The following ZNF43 variants were observed in gnomAD, a reference collection of about 807,000 sequenced individuals.
ZNF43 encodes zinc finger protein 39-like 1 (KOX 27).
ZNF43 carries 44 observed loss-of-function variants against 68.4 expected under a neutral mutation model. That is an observed-to-expected ratio of 0.64 (90% CI 0.51 to 0.83). The LOEUF (loss-of-function observed/expected upper bound fraction) is 0.83. Among genes scored for constraint, ZNF43 ranks in the 40% least tolerant of loss-of-function variants. ZNF43 has a pLI of 0.00. For synonymous variants in ZNF43, 308 were observed against 307.8 expected (o/e 1.00, Z -0.01); for missense variants, 896 against 933.2 (o/e 0.96, Z 0.52).
At chr19:21,836,630 G>T (rs2038754366), upstream of ZNF43, among the ~76,000 whole-genome samples, 1 of 152,160 alleles carries the variant, frequency 6.6e-6, no homozygotes, top group African/African-American at 2.4e-5. Context: ...TGTTACCCAG[G>T]CTGGAGTGCA....
chr19:21,840,181 C>T (rs1330140930), upstream of ZNF43: 1 of 152,182 alleles, frequency 6.6e-6, no homozygotes, highest in Non-Finnish European at 1.5e-5. Flanking sequence ...GGTGTGGGGT[C>T]CAGTGATATG....
intron 1 of ZNF43, among the ~76,000 whole-genome samples, chr19:21,842,273 G>T (rs538673584): frequency 6.6e-6 from 1 of 151,944 alleles, no homozygotes; most frequent in Non-Finnish European, 1.5e-5. Context: ...GCTAGGTATG[G>T]TGGTGCATGC....
intron 1 of ZNF43, chr19:21,827,151 T>C (rs1289461204): frequency 6.6e-6 from 1 of 152,164 alleles, no homozygotes; most frequent in South Asian, 2.1e-4. Flanking sequence ...ATGAGCATTA[T>C]GAAAAAAATA....
Position 21,806,950 on chromosome 19 carries a change from T to C in ZNF43, c.*657A>G, listed in dbSNP as rs930349632. The C allele has an allele frequency of 6.6e-6, 1 of 152,140 alleles. No individual in the cohort carries two copies. Among genetic ancestry groups the C allele is most frequent in the African/African-American group, 2.4e-5 (1 of 41,402 alleles). 9.4% of individuals were successfully genotyped at this position (152,140 alleles called of 1,614,324 possible). A position where few individuals can be genotyped will look rare whatever the true frequency, so the allele number is the denominator to read the frequency against. On this transcript the variant is annotated 3_prime_UTR_variant, in exon 4 of 4. Transcript: ENST00000354959. ...CCCTGTGGTGTTTTCTATGCTGTGGTTTTTTTAAAAATGTTTTTCCAAACT... is the reference window on the plus strand; with the variant it reads ...CCCTGTGGTGTTTTCTATGCTGTGGCTTTTTTAAAAATGTTTTTCCAAACT...
At chr19:21,830,555 G>GAAAA (rs562293163) in intron 1 of ZNF43, among the ~76,000 whole-genome samples, 164 of 101,962 alleles carry the variant, frequency 1.6e-3, no homozygotes, top group Non-Finnish European at 2.7e-3. Flanking sequence ...TCCAAAGACT[G>GAAAA]AAAAAAAAAA....
At chr19:21,847,494 C>T (rs960754349) in intron 1 of ZNF43, among the ~76,000 whole-genome samples, 5 of 152,010 alleles carry the variant, frequency 3.3e-5, no homozygotes, top group African/African-American at 7.2e-5. Flanking sequence ...GCCAGGAGTT[C>T]GAGACCAGCC....
chr19:21,811,535 T>TA (rs34404573), intron 3 of ZNF43, among the ~76,000 whole-genome samples: 8,079 of 112,580 alleles, frequency 0.072, 290 homozygotes, highest in South Asian at 0.19. Context: ...ACTCTGTCTC[T>TA]AAAAAAAAAA....
chr19:21,818,390 C>T (rs886514415), intron 2 of ZNF43, among the ~76,000 whole-genome samples: 6 of 151,880 alleles, frequency 4.0e-5, no homozygotes, highest in Non-Finnish European at 8.8e-5. Context: ...CATGAGCCAC[C>T]GTACCTGGCC....
At chr19:21,843,433 T>C in intron 1 of ZNF43, 1 of 960,892 alleles carries the variant, frequency 1.0e-6, no homozygotes, top group Non-Finnish European at 1.2e-6. Context: ...AGTCACCATC[T>C]CAATGTAGAT....
chr19:21,812,270 G>A (rs1363837300), intron 3 of ZNF43, among the ~76,000 whole-genome samples: 1 of 152,072 alleles, frequency 6.6e-6, no homozygotes, highest in Non-Finnish European at 1.5e-5. Flanking sequence ...GGGATTACAG[G>A]CGCGCACCAC....
At chr19:21,851,973 T>G (rs1227238745) in exon 1 of ZNF43, 2 of 1,536,728 alleles carry the variant, frequency 1.3e-6, no homozygotes, top group Admixed American at 2.0e-5. Flanking sequence ...GATCACAGGG[T>G]AACGGAGGCT....
intron 3 of ZNF43, among the ~76,000 whole-genome samples, chr19:21,811,551 A>G (rs11673111): frequency 1.3e-5 from 2 of 151,336 alleles, no homozygotes; most frequent in Non-Finnish European, 2.9e-5. Flanking sequence ...AAAAAACAAA[A>G]AAAAAAAACT....
At chr19:21,820,855 G>A (rs1449367033) in intron 1 of ZNF43, among the ~76,000 whole-genome samples, 1 of 134,780 alleles carries the variant, frequency 7.4e-6, no homozygotes, top group Admixed American at 7.5e-5. Context: ...TTTTTTTTGA[G>A]GTGAAGTTTC....
rs1382046214 is a variant in ZNF43, at chr19:21,809,579, T to C, written c.458A>G (p.Lys153Arg). 3 of 1,611,730 alleles carry C rather than the reference T, an allele frequency of 1.9e-6. No individual in the cohort carries two copies. Among genetic ancestry groups the C allele is most frequent in the Non-Finnish European group, 2.5e-6 (3 of 1,179,126 alleles). Residue 153 changes from lysine to arginine, a missense_variant, in exon 4 of 4, where the codon AAA (lysine) becomes AGA (arginine). Lys to Arg is a conservative substitution (Grantham distance 26). Transcript: ENST00000354959. ...TGAATTTGAAAATTTATGAAAGGCT[T>C]TCACACATTTATCAAATAGAAATAT... The part of the protein sequence containing the change: ...SKIFLFDKCV[K>R]AFHKFSNSNR...
At chr19:21,841,985 G>A (rs1007473801) in intron 1 of ZNF43, among the ~76,000 whole-genome samples, 2 of 152,144 alleles carry the variant, frequency 1.3e-5, no homozygotes, top group African/African-American at 2.4e-5. Context: ...TCTCCTGCAT[G>A]GGCCCTGCTA....
chr19:21,822,571 C>T (rs2037906872), intron 1 of ZNF43, among the ~76,000 whole-genome samples: 1 of 151,828 alleles, frequency 6.6e-6, no homozygotes, highest in Non-Finnish European at 1.5e-5. Context: ...TTTGGGAGGC[C>T]GAGGCGGGTG....
chr19:21,838,422 TAC>T (rs1468113238), upstream of ZNF43, among the ~76,000 whole-genome samples: 3 of 149,888 alleles, frequency 2.0e-5, no homozygotes, highest in African/African-American at 7.5e-5. Flanking sequence ...TTTTTGGAGA[TAC>T]AGTCTCGCTC....
upstream of ZNF43, among the ~76,000 whole-genome samples, chr19:21,838,643 G>C (rs913549403): frequency 1.3e-5 from 2 of 151,990 alleles, no homozygotes; most frequent in East Asian, 3.9e-4. Context: ...CAGGTGATTC[G>C]CCCGCCTTGG....
In ZNF43 at chr19:21,807,779, TTA is replaced by T; in HGVS notation, c.2256_2257del (p.His752GlnfsTer6). ...GGGTTGCTCTTTAGTATGAATTCTCTTATGTGTATTAAGGTGTGAGGAATAGT... is the reference window on the plus strand; with the variant it reads ...GGGTTGCTCTTTAGTATGAATTCTCTTGTGTATTAAGGTGTGAGGAATAGT... On this transcript the variant is annotated frameshift_variant, in exon 4 of 4. Coordinates refer to ENST00000354959, the MANE Select transcript of ZNF43 (RefSeq NM_003423.4). LOFTEE classifies it high-confidence loss of function. 1.9e-6 allele frequency: 3 copies of T among 1,613,498 alleles called. No homozygotes were observed. The highest frequency in any genetic ancestry group is 2.5e-6 in the Non-Finnish European group (3 of 1,179,706).
Sources: allele counts gnomAD v4.1 joint callset (sites outside exome capture counted in the v4.1 genomes callset), GRCh38; gene constraint gnomAD v4.1.1; transcripts MANE v1.5; gene names NCBI Gene and HGNC (gene_info 2026-07-23, HGNC 2026-07-21).